The following SNX6 variants were observed in gnomAD, a reference collection of about 807,000 sequenced individuals.
SNX6 encodes sorting nexin 6, also known as sorting nexin-6.
SNX6 carries 34 observed loss-of-function variants against 63.0 expected under a neutral mutation model. The observed-to-expected ratio is 0.54, with a 90% CI of 0.41 to 0.72. The LOEUF (loss-of-function observed/expected upper bound fraction) is 0.72. Ranked by LOEUF, SNX6 falls within the 30% of genes least tolerant of loss-of-function variation. The probability of loss-of-function intolerance (pLI) is 0.00; values close to 1 mark genes in which losing one functional copy is unlikely to be tolerated. For synonymous variants in SNX6, 170 were observed against 164.2 expected (o/e 1.04, Z -0.27); for missense variants, 398 against 471.4 (o/e 0.84, Z 1.44).
At chr14:34,623,507 T>C (rs1425061458) in intron 2 of SNX6, among the ~76,000 whole-genome samples, 1 of 152,124 alleles carries the variant, frequency 6.6e-6, no homozygotes, top group African/African-American at 2.4e-5. Flanking sequence ...ATTTTAGTAA[T>C]ATAAGTAATT....
In SNX6 at chr14:34,581,552, A is replaced by G. The variant is rs761200390; in HGVS notation, c.834+9T>C. The G allele has an allele frequency of 1.4e-6, 2 of 1,414,272 alleles. No homozygotes were observed. The highest frequency in any genetic ancestry group is 4.6e-5 in the East Asian group (2 of 43,228). 87.6% of individuals were successfully genotyped at this position (1,414,272 alleles called of 1,614,324 possible). A position where few individuals can be genotyped will look rare whatever the true frequency, so the allele number is the denominator to read the frequency against. On this transcript the variant is annotated intron_variant, in intron 10 of 13. Transcript: ENST00000362031. The stretch of plus-strand genomic sequence containing the variant: ...ATTATGCAGTATATCTCTATAATTT[A>G]GTACTTACTCTTGTTTTATCGAACA...
At chr14:34,597,402 G>C (rs1256153489) in intron 7 of SNX6, 148 bp downstream of exon 7, 3 of 591,994 alleles carry the variant, frequency 5.1e-6, no homozygotes, top group African/African-American at 3.8e-5. Flanking sequence ...GAGGAATCTA[G>C]GTCAGGAGGA....
At chr14:34,581,672 C>T in intron 9 of SNX6, 72 bp from the exon 10 acceptor site, 1 of 899,264 alleles carries the variant, frequency 1.1e-6, no homozygotes. Flanking sequence ...TGAGAATATG[C>T]TCCCAAACCA....
intron 2 of SNX6, among the ~76,000 whole-genome samples, chr14:34,611,814 T>C (rs1883241610): frequency 6.6e-6 from 1 of 150,920 alleles, no homozygotes; most frequent in Non-Finnish European, 1.5e-5. Flanking sequence ...AGTCTCGCTC[T>C]GTCACCCAGA....
intron 2 of SNX6, among the ~76,000 whole-genome samples, chr14:34,615,406 G>C (rs993639034): frequency 7.2e-5 from 11 of 152,142 alleles, no homozygotes; most frequent in Admixed American, 7.2e-4. Flanking sequence ...TATTTTTTAA[G>C]AGATAGGGTC....
At chr14:34,579,825 C>CAA (rs557462263) in intron 10 of SNX6, among the ~76,000 whole-genome samples, 6 of 114,214 alleles carry the variant, frequency 5.3e-5, no homozygotes, top group South Asian at 2.7e-4. Context: ...CTGTCTCTAC[C>CAA]AAAAAAAAAA....
At chr14:34,606,388 TG>T (rs1883021249) in intron 4 of SNX6, among the ~76,000 whole-genome samples, 2 of 151,376 alleles carry the variant, frequency 1.3e-5, no homozygotes, top group African/African-American at 4.9e-5. Flanking sequence ...CCTAAAGTGC[TG>T]GGATTACAGG....
intron 10 of SNX6, among the ~76,000 whole-genome samples, chr14:34,576,700 C>A (rs1881722648): frequency 1.3e-5 from 2 of 151,886 alleles, no homozygotes; most frequent in African/African-American, 4.8e-5. Context: ...CCTCCTGCCT[C>A]AGCCTTCCAA....
chr14:34,604,885 C>T (rs571578153), intron 5 of SNX6, among the ~76,000 whole-genome samples: 1 of 150,842 alleles, frequency 6.6e-6, no homozygotes, highest in South Asian at 2.1e-4. Context: ...ATCCAAAATG[C>T]ACTCCCAGGG....
intron 9 of SNX6, among the ~76,000 whole-genome samples, chr14:34,581,836 G>GT (rs33966364): frequency 0.029 from 4,380 of 149,932 alleles, 180 homozygotes; most frequent in African/African-American, 0.095. Context: ...TTTGATTTTT[G>GT]TTTTTTTTTG....
At chr14:34,569,125 G>A (rs1881326476) in intron 11 of SNX6, 2 of 865,030 alleles carry the variant, frequency 2.3e-6, no homozygotes, top group East Asian at 2.4e-5. Context: ...AGTAACTCCA[G>A]GCATCATGCG....
intron 1 of SNX6, 21 bp downstream of exon 1, chr14:34,630,090 G>C (rs549619147): frequency 1.5e-5 from 22 of 1,449,334 alleles, no homozygotes; most frequent in Admixed American, 8.9e-5. Context: ...CCCGGGACTC[G>C]GCGCCGCGGA....
chr14:34,568,838 T>TG, intron 11 of SNX6: 1 of 1,071,020 alleles, frequency 9.3e-7, no homozygotes, highest in Non-Finnish European at 1.4e-6. Flanking sequence ...GCCACATTCT[T>TG]GGAGCCTCGG....
chr14:34,585,755 G>C (rs1000998946), intron 9 of SNX6, among the ~76,000 whole-genome samples: 12 of 151,640 alleles, frequency 7.9e-5, no homozygotes, highest in Non-Finnish European at 1.5e-5. Context: ...ACACACCACC[G>C]ACACCTGGGT....
chr14:34,608,092 G>T lies in SNX6; in HGVS notation c.208C>A (p.His70Asn). The T allele has an allele frequency of 6.2e-7, 1 of 1,610,780 alleles. No individual in the cohort carries two copies. Among genetic ancestry groups the T allele is most frequent in the African/African-American group, 1.3e-5 (1 of 74,902 alleles). Residue 70 changes from histidine to asparagine, a missense_variant, in exon 4 of 14, where the codon CAT (histidine) becomes AAT (asparagine). Physicochemically the swap from His to Asn is moderately conservative, Grantham distance 68. Coordinates refer to ENST00000362031, the MANE Select transcript of SNX6 (RefSeq NM_152233.4). The stretch of plus-strand genomic sequence containing the variant: ...TCATGAAGCCAGATAAATTCCTCAT[G>T]TTGCCGAACAACTGAAAACTCGTTT... ...KQNEFSVVRQ[H>N]EEFIWLHDSF...
chr14:34,595,687 C>A (rs557185417), intron 7 of SNX6, among the ~76,000 whole-genome samples: 3 of 152,296 alleles, frequency 2.0e-5, no homozygotes, highest in Admixed American at 6.5e-5. Flanking sequence ...AGCCACAGCA[C>A]ATGCACTGTC....
intron 10 of SNX6, among the ~76,000 whole-genome samples, chr14:34,581,117 T>C (rs1881916110): frequency 6.6e-6 from 1 of 152,324 alleles, no homozygotes; most frequent in East Asian, 1.9e-4. Flanking sequence ...TATTACCACA[T>C]GCAGAGATTT....
chr14:34,617,976 G>A (rs1883485215), intron 2 of SNX6, among the ~76,000 whole-genome samples: 1 of 151,836 alleles, frequency 6.6e-6, no homozygotes, highest in Non-Finnish European at 1.5e-5. Context: ...ACTGACTAGT[G>A]TACTATGAAG....
chr14:34,570,548 G>A (rs1191137760), intron 11 of SNX6, among the ~76,000 whole-genome samples: 1 of 150,746 alleles, frequency 6.6e-6, no homozygotes, highest in Non-Finnish European at 1.5e-5. Context: ...AGCCTCCCAA[G>A]TAGCTGGGAT....
Sources: gnomAD v4.1 joint callset for allele counts (sites outside exome capture counted in the v4.1 genomes callset) on GRCh38, gnomAD v4.1.1 for gene constraint, MANE v1.5 for transcripts, NCBI Gene and HGNC (gene_info 2026-07-23, HGNC 2026-07-21) for gene names.